Variants in MED12L observed in about 807,000 individuals in gnomAD.
MED12L encodes the protein mediator complex subunit 12L.
Under a neutral mutation model 281.3 loss-of-function variants are expected in MED12L, and 60 were observed. The ratio of observed to expected loss-of-function variants is 0.21; its 90% CI spans 0.17 to 0.26. The LOEUF (loss-of-function observed/expected upper bound fraction) is 0.26, where lower values mean the gene tolerates loss of function less well. MED12L is among the 10% of genes least tolerant of loss of function. The probability of loss-of-function intolerance (pLI) is 1.00; values close to 1 mark genes in which losing one functional copy is unlikely to be tolerated. For synonymous variants in MED12L, 974 were observed against 987.2 expected (o/e 0.99, Z 0.25); for missense variants, 2,146 against 2,680.9 (o/e 0.80, Z 4.41).
At position 151,357,324 on chromosome 3, in the gene MED12L, T is replaced by C; in HGVS notation, c.2773T>C (p.Tyr925His). Residue 925 changes from tyrosine (Y) to histidine (H), a missense_variant, in exon 20 of 45, where the codon TAT (tyrosine) becomes CAT (histidine). By Grantham distance (83) the Tyr-to-His change is moderately conservative (BLOSUM62 2). Coordinates refer to ENST00000687756, the MANE Select transcript of MED12L (RefSeq NM_001393769.1). ...CVCIVAVLRR[Y>H]HSCLILNPDQ... ...CTGCATCGTGGCTGTTCTCAGGCGC[T>C]ATCACAGTTGTCTAATCTTGAATCC... 6.2e-7 allele frequency: 1 copy of C among 1,613,812 alleles called. No individual in the cohort carries two copies. Among genetic ancestry groups the C allele is most frequent in the Non-Finnish European group, 8.5e-7 (1 of 1,179,818 alleles).
chr3:151,188,050 G>GA (rs951005613), intron 12 of MED12L: 11 of 175,692 alleles, frequency 6.3e-5, no homozygotes, highest in African/African-American at 2.6e-4. Context: ...GAAATCCTTT[G>GA]AGTTGTTCTG....
intron 32 of MED12L, 137 bp downstream of exon 32, chr3:151,380,361 C>T (rs939184550): frequency 3.2e-5 from 18 of 555,650 alleles, no homozygotes; most frequent in Middle Eastern, 4.4e-4. Context: ...CTTTGGGAGG[C>T]GGAGGCTGGT....
At chr3:151,210,834 T>A (rs1427768604) in intron 16 of MED12L, among the ~76,000 whole-genome samples, 1 of 152,238 alleles carries the variant, frequency 6.6e-6, no homozygotes, top group Non-Finnish European at 1.5e-5. Context: ...TGGCAGAGAC[T>A]CTGAGGCAGA....
At chr3:151,315,580 C>T (rs1363267003) in intron 16 of MED12L, among the ~76,000 whole-genome samples, 1 of 152,176 alleles carries the variant, frequency 6.6e-6, no homozygotes, top group African/African-American at 2.4e-5. Context: ...AAACAAGAGT[C>T]TGAGGATGAG....
At position 151,435,846 on chromosome 3, in the gene MED12L, C is replaced by A. The variant is rs976681329; in HGVS notation, c.*3042C>A. 11 of 151,790 alleles carry A rather than the reference C, an allele frequency of 7.2e-5. No individual in the cohort carries two copies. Among genetic ancestry groups the A allele is most frequent in the African/African-American group, 2.7e-4 (11 of 41,300 alleles). The allele number at this position is 151,790 out of a possible 1,614,324, so 9.4% of individuals were successfully genotyped here. On this transcript the variant is annotated 3_prime_UTR_variant, in exon 45 of 45. Coordinates refer to ENST00000687756, the MANE Select transcript of MED12L (RefSeq NM_001393769.1). ...TTCATTATATATAATAGACCTAGACCCTCCCAAGCATTTTCCCATCCCATA... is the reference window on the plus strand; with the variant it reads ...TTCATTATATATAATAGACCTAGACACTCCCAAGCATTTTCCCATCCCATA...
chr3:151,334,042 A>C (rs1750652005), intron 16 of MED12L, among the ~76,000 whole-genome samples: 1 of 151,992 alleles, frequency 6.6e-6, no homozygotes, highest in South Asian at 2.1e-4. Flanking sequence ...ATGTCACTGC[A>C]CTCCAGCCTG....
chr3:151,247,325 G>A (rs1479907041), intron 16 of MED12L, among the ~76,000 whole-genome samples: 1 of 152,064 alleles, frequency 6.6e-6, no homozygotes, highest in African/African-American at 2.4e-5. Context: ...TATGTTTATT[G>A]TGGCATTATT....
chr3:151,136,343 C>A (rs1466002001), intron 5 of MED12L, among the ~76,000 whole-genome samples: 1 of 152,202 alleles, frequency 6.6e-6, no homozygotes, highest in Non-Finnish European at 1.5e-5. Context: ...ATTCCAGGGA[C>A]AAGCGTTTAG....
chr3:151,090,771 G>C (rs942792770), intron 2 of MED12L, among the ~76,000 whole-genome samples: 1 of 152,196 alleles, frequency 6.6e-6, no homozygotes, highest in African/African-American at 2.4e-5. Context: ...CAGGCGTGGT[G>C]GCTCATGCCT....
chr3:151,205,318 T>C (rs905794978), intron 16 of MED12L, among the ~76,000 whole-genome samples: 2 of 152,228 alleles, frequency 1.3e-5, no homozygotes, highest in East Asian at 1.9e-4. Context: ...TCATTACTTA[T>C]GAATATTTCA....
Position 151,159,902 on chromosome 3 carries a change from C to T in MED12L, c.908C>T (p.Ser303Phe). The T allele has an allele frequency of 1.9e-6, 3 of 1,614,202 alleles. No homozygotes were observed. Among genetic ancestry groups the T allele is most frequent in the Non-Finnish European group, 2.5e-6 (3 of 1,180,036 alleles). The change falls in exon 8 of 45, where the codon TCC (serine) becomes TTC (phenylalanine). Residue 303 changes from serine (S) to phenylalanine (F), a missense_variant. Transcript: ENST00000687756. Reference protein sequence around the residue: ...RLAYFCARRLSLLLSDSPNLL... With the variant: ...RLAYFCARRLFLLLSDSPNLL... ...GCCTACTTTTGTGCCCGGCGTCTTT[C>T]CTTGCTGCTGAGCGATAGCCCCAAC...
intron 17 of MED12L, 66 bp from the exon 18 acceptor site, chr3:151,355,055 A>T (rs1442081820): frequency 1.1e-5 from 13 of 1,134,620 alleles, no homozygotes; most frequent in Non-Finnish European, 1.3e-5. Flanking sequence ...AAAAAAAAGT[A>T]TCCATTAAAA....
At chr3:151,318,175 A>G (rs2149808765) in intron 16 of MED12L, among the ~76,000 whole-genome samples, 1 of 151,644 alleles carries the variant, frequency 6.6e-6, no homozygotes, top group South Asian at 2.1e-4. Flanking sequence ...TGGATTAAGT[A>G]TGTTACGGAA....
At chr3:151,113,987 A>G (rs1712333517) in intron 2 of MED12L, among the ~76,000 whole-genome samples, 1 of 152,188 alleles carries the variant, frequency 6.6e-6, no homozygotes. Context: ...GTTTCTTATA[A>G]TACTCTGACG....
At chr3:151,229,305 C>CTTTTT (rs35097589) in intron 16 of MED12L, among the ~76,000 whole-genome samples, 2 of 112,516 alleles carry the variant, frequency 1.8e-5, no homozygotes, top group African/African-American at 3.7e-5. Context: ...TTCAGCAATT[C>CTTTTT]TTTTTTTTTT....
At chr3:151,187,665 T>G (rs1417614148) in intron 12 of MED12L, among the ~76,000 whole-genome samples, 1 of 152,192 alleles carries the variant, frequency 6.6e-6, no homozygotes, top group Non-Finnish European at 1.5e-5. Context: ...TTAAATAACT[T>G]CCCTAGAGGT....
chr3:151,345,028 CAT>C (rs1324779773), intron 16 of MED12L, among the ~76,000 whole-genome samples: 4 of 152,194 alleles, frequency 2.6e-5, no homozygotes, highest in Admixed American at 2.6e-4. Flanking sequence ...GCTCAAGAGA[CAT>C]ATTTTAATTC....
intron 43 of MED12L, among the ~76,000 whole-genome samples, chr3:151,416,779 A>G (rs1717611563): frequency 6.6e-6 from 1 of 152,198 alleles, no homozygotes; most frequent in South Asian, 2.1e-4. Flanking sequence ...GATTTTTACT[A>G]TAATCTCAAA....
intron 16 of MED12L, among the ~76,000 whole-genome samples, chr3:151,298,241 T>C (rs1039399843): frequency 4.6e-5 from 7 of 152,220 alleles, no homozygotes; most frequent in Non-Finnish European, 8.8e-5. Flanking sequence ...CTCAGGAATA[T>C]TGACCAGTAA....
Sources: gnomAD v4.1 joint callset for allele counts (sites outside exome capture counted in the v4.1 genomes callset) on GRCh38, gnomAD v4.1.1 for gene constraint, MANE v1.5 for transcripts, NCBI Gene and HGNC (gene_info 2026-07-23, HGNC 2026-07-21) for gene names.